Variants in KYNU observed in about 807,000 individuals in gnomAD.
The protein encoded by KYNU is kynureninase, also known as L-kynurenine hydrolase.
In KYNU, 54 loss-of-function variants were observed where a neutral mutation model predicts 59.2. That is an observed-to-expected ratio of 0.91 (90% CI 0.73 to 1.14). KYNU has a LOEUF of 1.14. Among genes scored for constraint, KYNU ranks in the 50% most tolerant of loss-of-function variants. The probability of loss-of-function intolerance (pLI) is 0.00; values close to 1 mark genes in which losing one functional copy is unlikely to be tolerated. For synonymous variants in KYNU, 177 were observed against 192.0 expected, an observed-to-expected ratio of 0.92 and a Z score of 0.65; for missense variants, 567 against 554.4, an observed-to-expected ratio of 1.02 and a Z score of -0.23.
At chr2:142,898,244 T>C (rs1378850596) in intron 2 of KYNU, among the ~76,000 whole-genome samples, 1 of 152,074 alleles carries the variant, frequency 6.6e-6, no homozygotes, top group African/African-American at 2.4e-5. Flanking sequence ...AGAGATGTTT[T>C]ATTTTCTTTT....
chr2:142,931,579 G>A (rs1558928362), intron 4 of KYNU, among the ~76,000 whole-genome samples: 1 of 152,142 alleles, frequency 6.6e-6, no homozygotes, highest in Non-Finnish European at 1.5e-5. Context: ...TTTGGTAAGG[G>A]TGGAGGCCCT....
chr2:142,954,740 TC>T (rs1355569175), intron 4 of KYNU, 69 bp from the exon 5 acceptor site: 12 of 964,222 alleles, frequency 1.2e-5, no homozygotes, highest in Non-Finnish European at 2.0e-5. Context: ...AGTGAAGTCT[TC>T]CTACTTTGTT....
intron 12 of KYNU, among the ~76,000 whole-genome samples, chr2:143,038,928 G>T (rs1165552317): frequency 6.6e-6 from 1 of 152,146 alleles, no homozygotes; most frequent in Admixed American, 6.6e-5. Context: ...TAAGTGGCAG[G>T]CCAGTGCATC....
chr2:142,947,499 T>C (rs1360021666), intron 4 of KYNU: 2 of 269,014 alleles, frequency 7.4e-6, no homozygotes, highest in Middle Eastern at 1.2e-3. Flanking sequence ...ACATTGCCTT[T>C]CTTGCTCATT....
intron 8 of KYNU, among the ~76,000 whole-genome samples, chr2:142,978,818 C>T (rs1385523253): frequency 2.0e-5 from 3 of 151,900 alleles, no homozygotes; most frequent in African/African-American, 7.3e-5. Context: ...ATTTTTCATA[C>T]CAAATTTGCT....
intron 2 of KYNU, among the ~76,000 whole-genome samples, chr2:142,905,730 G>A (rs757386629): frequency 5.3e-5 from 8 of 152,130 alleles, no homozygotes; most frequent in Non-Finnish European, 1.0e-4. Flanking sequence ...AGCAGTTACC[G>A]CTACTGATTG....
At chr2:142,910,150 T>TTTTC (rs70997531) in intron 2 of KYNU, among the ~76,000 whole-genome samples, 5 of 145,844 alleles carry the variant, frequency 3.4e-5, no homozygotes, top group Non-Finnish European at 6.0e-5. Context: ...TTTTTTTTTT[T>TTTTC]CTTTGAGACA....
intron 2 of KYNU, among the ~76,000 whole-genome samples, chr2:142,891,311 G>T (rs1157304621): frequency 6.6e-6 from 1 of 151,720 alleles, no homozygotes; most frequent in African/African-American, 2.4e-5. Context: ...GTAATCTACT[G>T]AACTTGCTGT....
chr2:142,879,820 G>C (rs1681230881), intron 1 of KYNU, among the ~76,000 whole-genome samples: 1 of 152,198 alleles, frequency 6.6e-6, no homozygotes, highest in Non-Finnish European at 1.5e-5. Flanking sequence ...TGACGCTAAT[G>C]AGTATCATTT....
chr2:143,032,296 A>C (rs57615630), intron 11 of KYNU, among the ~76,000 whole-genome samples: 95,766 of 148,924 alleles, frequency 0.64, 31,835 homozygotes, highest in Middle Eastern at 0.74. Context: ...AAACAAAAAA[A>C]AAAAACAAAA....
intron 10 of KYNU, among the ~76,000 whole-genome samples, chr2:143,028,578 G>A (rs1220859232): frequency 2.0e-5 from 3 of 149,510 alleles, no homozygotes; most frequent in Non-Finnish European, 4.5e-5. Flanking sequence ...AGGCGTGGTG[G>A]CTCAGGCCTG....
At chr2:142,977,302 T>A (rs1370986869) in intron 8 of KYNU, among the ~76,000 whole-genome samples, 1 of 149,864 alleles carries the variant, frequency 6.7e-6, no homozygotes, top group Non-Finnish European at 1.5e-5. Context: ...TCCTGTTTGG[T>A]GCTCAACTAA....
intron 8 of KYNU, among the ~76,000 whole-genome samples, chr2:142,984,690 G>A (rs1364181931): frequency 6.6e-6 from 1 of 151,990 alleles, no homozygotes; most frequent in Admixed American, 6.6e-5. Context: ...CATTTTTACA[G>A]TTTTCACAAG....
intron 11 of KYNU, among the ~76,000 whole-genome samples, chr2:143,032,653 G>A (rs1440273747): frequency 1.3e-5 from 2 of 148,190 alleles, no homozygotes; most frequent in Non-Finnish European, 3.0e-5. Flanking sequence ...TAGAGCATCT[G>A]TTATTAATTT....
intron 10 of KYNU, among the ~76,000 whole-genome samples, chr2:143,021,621 G>A (rs868771590): frequency 1.3e-5 from 2 of 152,058 alleles, no homozygotes; most frequent in Non-Finnish European, 2.9e-5. Flanking sequence ...GAGAGAGCAA[G>A]GAATGAGATG....
intron 4 of KYNU, among the ~76,000 whole-genome samples, chr2:142,942,160 G>GA (rs56221582): frequency 0.34 from 33,048 of 96,114 alleles, 4,950 homozygotes; most frequent in South Asian, 0.47. Flanking sequence ...CTGGGTGACA[G>GA]AAAAAAAAAA....
At chr2:143,034,520 C>T (rs1686838757) in intron 12 of KYNU, among the ~76,000 whole-genome samples, 1 of 152,132 alleles carries the variant, frequency 6.6e-6, no homozygotes, top group African/African-American at 2.4e-5. Flanking sequence ...TGATCATCAC[C>T]TCATTTCATT....
chr2:143,012,263 C>T (rs1042116485), intron 10 of KYNU, among the ~76,000 whole-genome samples: 1 of 151,922 alleles, frequency 6.6e-6, no homozygotes, highest in African/African-American at 2.4e-5. Context: ...GGGTGGATCA[C>T]CTGAGGTCAG....
intron 11 of KYNU, among the ~76,000 whole-genome samples, chr2:143,030,586 C>T (rs530182163): frequency 1.2e-4 from 19 of 152,220 alleles, no homozygotes; most frequent in African/African-American, 4.3e-4. Flanking sequence ...GCAATCTTCT[C>T]GCCTTAGCTT....
Sources: allele counts gnomAD v4.1 joint callset (sites outside exome capture counted in the v4.1 genomes callset), GRCh38; gene constraint gnomAD v4.1.1; transcripts MANE v1.5; gene names NCBI Gene and HGNC (gene_info 2026-07-23, HGNC 2026-07-21).